Variants in OR6N1 observed in about 807,000 individuals in gnomAD.
The protein encoded by OR6N1 is olfactory receptor 6N1.
For missense variants in OR6N1, 394 were observed against 371.7 expected, an observed-to-expected ratio of 1.06 and a Z score of -0.49; for synonymous variants, 170 against 150.7, an observed-to-expected ratio of 1.13 and a Z score of -0.94.
upstream of OR6N1, among the ~76,000 whole-genome samples, chr1:158,773,059 T>G (rs990642300): frequency 1.3e-5 from 2 of 152,104 alleles, no homozygotes; most frequent in African/African-American, 4.8e-5. Context: ...TTACAAACTA[T>G]AATATGAACT....
chr1:158,766,287 G>A lies in OR6N1; in HGVS notation c.396C>T (p.Tyr132=). The change falls in exon 2 of 2, where the codon TAC becomes TAT. Residue 132 remains tyrosine, a synonymous_variant. Coordinates refer to ENST00000641846, the MANE Select transcript of OR6N1 (RefSeq NM_001005185.2). ...AAAGTGTTGGGGTCATGAGGGTTGG[G>A]TAGTGGAGGGGCCGGCAGATGGCTA... The part of the protein sequence containing the change: ...RYLAICRPLH[Y]PTLMTPTLCA... The A allele has an allele frequency of 6.2e-7, 1 of 1,614,104 alleles. No homozygotes were observed. Among genetic ancestry groups the A allele is most frequent in the South Asian group, 1.1e-5 (1 of 91,078 alleles).
chr1:158,839,489 C>T, the OR6N1 span, among the ~76,000 whole-genome samples: 6 of 152,164 alleles, frequency 3.9e-5, no homozygotes, highest in Non-Finnish European at 8.8e-5. Flanking sequence ...GAGCACCCAC[C>T]ACTACTTTTT....
At chr1:158,773,539 G>A (rs917635539), upstream of OR6N1, among the ~76,000 whole-genome samples, 1 of 152,074 alleles carries the variant, frequency 6.6e-6, no homozygotes, top group Admixed American at 6.6e-5. Flanking sequence ...TGGGGTAAAT[G>A]TTTAACAACT....
chr1:158,829,139 C>T, the OR6N1 span, among the ~76,000 whole-genome samples: 6 of 152,182 alleles, frequency 3.9e-5, no homozygotes, highest in East Asian at 1.9e-4. Flanking sequence ...GTCCCTGACA[C>T]GCCCTGGAGA....
At chr1:158,792,752 C>A in the OR6N1 span, among the ~76,000 whole-genome samples, 2 of 152,166 alleles carry the variant, frequency 1.3e-5, no homozygotes, top group Non-Finnish European at 2.9e-5. Flanking sequence ...GAGAAGCCTG[C>A]TGTTAGTCTG....
the OR6N1 span, among the ~76,000 whole-genome samples, chr1:158,827,267 C>A: frequency 6.6e-6 from 1 of 152,158 alleles, no homozygotes; most frequent in Non-Finnish European, 1.5e-5. Context: ...CAAGCTATTT[C>A]TTCTAGCTCA....
the OR6N1 span, among the ~76,000 whole-genome samples, chr1:158,815,134 T>G: frequency 6.6e-6 from 1 of 152,150 alleles, no homozygotes; most frequent in Admixed American, 6.5e-5. Flanking sequence ...TGAGATAATC[T>G]AAGAAAGGAA....
the OR6N1 span, chr1:158,781,310 TGTTTTGCCACAA>T: frequency 6.6e-6 from 1 of 152,254 alleles, no homozygotes; most frequent in Non-Finnish European, 1.5e-5. Context: ...GAGCTAACAC[TGTTTTGCCACAA>T]GTGGCAGAAG....
the OR6N1 span, among the ~76,000 whole-genome samples, chr1:158,824,926 G>A: frequency 1.3e-5 from 2 of 152,158 alleles, no homozygotes; most frequent in Admixed American, 6.5e-5. Flanking sequence ...TTATGACAAA[G>A]GTGCCAAAAG....
At chr1:158,830,742 T>C in the OR6N1 span, among the ~76,000 whole-genome samples, 1 of 152,214 alleles carries the variant, frequency 6.6e-6, no homozygotes, top group East Asian at 1.9e-4. Flanking sequence ...ATCATGAATT[T>C]AATAATCAAG....
At chr1:158,810,037 A>G in the OR6N1 span, among the ~76,000 whole-genome samples, 50 of 152,356 alleles carry the variant, frequency 3.3e-4, no homozygotes, top group African/African-American at 1.2e-3. Context: ...TTTGGTTGCC[A>G]CTAAGCATTA....
rs1657246675 is a variant in OR6N1, at chr1:158,765,979, C to T, written c.704G>A (p.Arg235Lys). The T allele has an allele frequency of 6.2e-7, 1 of 1,614,164 alleles. No individual in the cohort carries two copies. The change falls in exon 2 of 2, where the codon AGG becomes AAG. Residue 235 changes from arginine to lysine, a missense_variant. Coordinates refer to ENST00000641846, the MANE Select transcript of OR6N1 (RefSeq NM_001005185.2). ...VLRIPSAAGK[R>K]KAISTCASHF... ...GGAGGCACACGTGGAGATGGCCTTC[C>T]TCTTGCCGGCAGCTGAGGGAATTCT... is the stretch of plus-strand genomic sequence containing the variant.
the OR6N1 span, among the ~76,000 whole-genome samples, chr1:158,788,071 G>A: frequency 8.5e-5 from 13 of 152,062 alleles, no homozygotes; most frequent in Non-Finnish European, 1.3e-4. Flanking sequence ...CCTACTAAGA[G>A]GAGATAAGCT....
chr1:158,784,543 A>G, the OR6N1 span, among the ~76,000 whole-genome samples: 1 of 152,150 alleles, frequency 6.6e-6, no homozygotes, highest in African/African-American at 2.4e-5. Context: ...CTGTAACTTC[A>G]TACCCTTTAA....
chr1:158,766,757 G>A, intron 1 of OR6N1, 57 bp from the exon 2 acceptor site: 1 of 1,087,348 alleles, frequency 9.2e-7, no homozygotes. Context: ...GTTCTAACAA[G>A]AAGGCAACCC....
At chr1:158,836,492 T>C in the OR6N1 span, among the ~76,000 whole-genome samples, 2 of 152,086 alleles carry the variant, frequency 1.3e-5, no homozygotes, top group East Asian at 3.9e-4. Flanking sequence ...ATTTATCCAT[T>C]TCATTTAGGT....
rs1657275538 is a variant in OR6N1 at position 158,766,506 on chromosome 1, C to T, written c.177G>A (p.Met59Ile). The part of the protein sequence containing the change: ...VCLDSRLHTP[M>I]YHFVSILSFS... ...AGGAGAGAATGCTGACAAAGTGGTA[C>T]ATGGGTGTGTGAAGCCGGGAGTCCA... The change falls in exon 2 of 2, where the codon ATG becomes ATA. Residue 59 changes from methionine (M) to isoleucine (I), a missense_variant. Physicochemically the swap from Met to Ile is conservative, Grantham distance 10 (BLOSUM62 1). Coordinates refer to ENST00000641846, the MANE Select transcript of OR6N1 (RefSeq NM_001005185.2). The T allele has an allele frequency of 6.2e-7, 1 of 1,614,108 alleles. No homozygotes were observed. The highest frequency in any genetic ancestry group is 8.5e-7 in the Non-Finnish European group (1 of 1,180,022).
chr1:158,769,014 T>A (rs143948720), intron 1 of OR6N1, among the ~76,000 whole-genome samples: 73 of 152,338 alleles, frequency 4.8e-4, no homozygotes, highest in African/African-American at 1.7e-3. Context: ...TAGAGCCATG[T>A]CTGAAATATA....
At position 158,765,879 on chromosome 1, in the gene OR6N1, C is replaced by T; in HGVS notation, c.804G>A (p.Leu268=). The change falls in exon 2 of 2, where the codon CTG becomes CTA. Residue 268 remains leucine (L), a synonymous_variant. Coordinates refer to ENST00000641846, the MANE Select transcript of OR6N1 (RefSeq NM_001005185.2). ...CCACTGCCAGGGCCTGGTCATAGTC[C>T]AGTGAGTAGCTCTTCTTCAGCTGCA... is the stretch of plus-strand genomic sequence containing the variant. ...MYVQLKKSYS[L]DYDQALAVVY... is the part of the protein sequence containing the mutation. 6.2e-7 allele frequency: 1 copy of T among 1,614,118 alleles called. No individual in the cohort carries two copies. The highest frequency in any genetic ancestry group is 1.1e-5 in the South Asian group (1 of 91,078).
Sources: allele counts gnomAD v4.1 joint callset (sites outside exome capture counted in the v4.1 genomes callset), GRCh38; gene constraint gnomAD v4.1.1; transcripts MANE v1.5; gene names NCBI Gene and HGNC (gene_info 2026-07-23, HGNC 2026-07-21).